The following LRRTM4 variants were observed in gnomAD, a reference collection of about 807,000 sequenced individuals.
LRRTM4 encodes the protein leucine-rich repeat transmembrane neuronal protein 4.
Under a neutral mutation model 47.6 loss-of-function variants are expected in LRRTM4, and 25 were observed. The observed-to-expected ratio is 0.53, with a 90% CI of 0.38 to 0.73. The LOEUF is 0.73. Ranked by LOEUF, LRRTM4 falls within the 30% of genes least tolerant of loss-of-function variation. The probability of loss-of-function intolerance (pLI) is 0.00; values close to 1 mark genes in which losing one functional copy is unlikely to be tolerated. For missense variants in LRRTM4, 638 were observed against 713.4 expected (o/e 0.89, Z 1.20); for synonymous variants, 311 against 269.5 (o/e 1.15, Z -1.51).
At chr2:76,795,286 ATT>A in intron 3 of LRRTM4, among the ~76,000 whole-genome samples, 1 of 152,196 alleles carries the variant, frequency 6.6e-6, no homozygotes, top group East Asian at 1.9e-4. Flanking sequence ...TCATATACTT[ATT>A]GTGTACAATA....
At chr2:77,224,603 A>T (rs534973175) in intron 3 of LRRTM4, among the ~76,000 whole-genome samples, 2 of 152,272 alleles carry the variant, frequency 1.3e-5, no homozygotes, top group Non-Finnish European at 2.9e-5. Context: ...CAAAAAACAC[A>T]TAAAAAAATG....
rs186977390 is a variant in LRRTM4, at chr2:76,966,713, C to T, written c.1552-217797G>A. Among the ~76,000 whole-genome samples, 94 of 151,562 alleles carry T rather than the reference C, an allele frequency of 6.2e-4. 1 individual carries two copies. In the East Asian group the frequency reaches 8.0e-3, roughly 13 times the overall value. On this transcript the variant is annotated intron_variant, in intron 3 of 3. Transcript: ENST00000409884. ...TTGGCTGTCCCAAAAATACTAGTGT[C>T]ATGCTTTTAATGACAATCTAATTAC...
chr2:77,486,938 C>A (rs532280126), intron 3 of LRRTM4, among the ~76,000 whole-genome samples: 38 of 152,162 alleles, frequency 2.5e-4, no homozygotes, highest in Non-Finnish European at 4.3e-4. Flanking sequence ...CAGAAAAAAA[C>A]GCAAAATTCA....
chr2:76,993,066 T>C (rs913952512), intron 3 of LRRTM4, among the ~76,000 whole-genome samples: 17 of 151,738 alleles, frequency 1.1e-4, no homozygotes, highest in African/African-American at 4.1e-4. Flanking sequence ...ACCTGGCTAA[T>C]CTGTCTGAAA....
intron 3 of LRRTM4, among the ~76,000 whole-genome samples, chr2:76,923,282 A>G (rs1674490131): frequency 6.6e-6 from 1 of 152,038 alleles, no homozygotes; most frequent in Non-Finnish European, 1.5e-5. Context: ...TGCAACCAGT[A>G]GTATGCTGGA....
At chr2:77,004,342 T>A (rs1677552801) in intron 3 of LRRTM4, among the ~76,000 whole-genome samples, 1 of 152,194 alleles carries the variant, frequency 6.6e-6, no homozygotes, top group Non-Finnish European at 1.5e-5. Context: ...GCATCCCAAC[T>A]GCTCTAGTCA....
At chr2:77,146,395 T>C (rs1300204832) in intron 3 of LRRTM4, among the ~76,000 whole-genome samples, 3 of 152,270 alleles carry the variant, frequency 2.0e-5, no homozygotes, top group Non-Finnish European at 1.5e-5. Flanking sequence ...TTTAGTTCTA[T>C]GGAGAACAGA....
At chr2:77,112,251 T>C (rs1572973585) in intron 3 of LRRTM4, among the ~76,000 whole-genome samples, 1 of 152,210 alleles carries the variant, frequency 6.6e-6, no homozygotes, top group Non-Finnish European at 1.5e-5. Flanking sequence ...TGACTACCAC[T>C]GTTTACTTCT....
intron 3 of LRRTM4, among the ~76,000 whole-genome samples, chr2:77,316,126 G>C (rs142455169): frequency 1.4e-4 from 22 of 152,092 alleles, no homozygotes; most frequent in Non-Finnish European, 2.5e-4. Flanking sequence ...AGGCAAAATG[G>C]TTCTAGATTC....
At chr2:77,360,411 C>A (rs555464621) in intron 3 of LRRTM4, among the ~76,000 whole-genome samples, 2 of 152,004 alleles carry the variant, frequency 1.3e-5, no homozygotes, top group South Asian at 4.2e-4. Context: ...GAGCCAAGAT[C>A]ACGGCCACTG....
intron 3 of LRRTM4, among the ~76,000 whole-genome samples, chr2:76,840,128 A>T (rs2103928514): frequency 6.6e-6 from 1 of 152,302 alleles, no homozygotes; most frequent in Admixed American, 6.6e-5. Context: ...TGGAAAAATG[A>T]ATTTTCTTGT....
chr2:76,773,004 A>G (rs919830229), intron 3 of LRRTM4: 2 of 152,172 alleles, frequency 1.3e-5, no homozygotes, highest in African/African-American at 4.8e-5. Flanking sequence ...GGAGTCTGGT[A>G]CTATCTATGG....
intron 3 of LRRTM4, among the ~76,000 whole-genome samples, chr2:77,256,642 C>T (rs1675776456): frequency 6.6e-6 from 1 of 152,172 alleles, no homozygotes; most frequent in Admixed American, 6.6e-5. Flanking sequence ...TTCTCCTTGC[C>T]TTCCGCCATG....
intron 3 of LRRTM4, among the ~76,000 whole-genome samples, chr2:76,853,644 G>A (rs556701143): frequency 1.5e-4 from 22 of 151,140 alleles, no homozygotes; most frequent in South Asian, 1.1e-3. Context: ...AAAAAAAAAT[G>A]TACCAATTTC....
At chr2:77,506,601 A>T (rs146600077) in intron 3 of LRRTM4, among the ~76,000 whole-genome samples, 57 of 152,028 alleles carry the variant, frequency 3.7e-4, no homozygotes, top group African/African-American at 1.2e-3. Context: ...GTATATGTGG[A>T]AAAATGGGAA....
chr2:76,912,122 T>C (rs1415190153), intron 3 of LRRTM4, among the ~76,000 whole-genome samples: 2 of 152,078 alleles, frequency 1.3e-5, no homozygotes, highest in African/African-American at 4.8e-5. Flanking sequence ...GGTTTCACCA[T>C]GTTATCCAGG....
intron 3 of LRRTM4, among the ~76,000 whole-genome samples, chr2:77,325,832 AT>A (rs1274935357): frequency 1.3e-5 from 2 of 152,184 alleles, no homozygotes; most frequent in African/African-American, 4.8e-5. Flanking sequence ...ATTATGGATC[AT>A]TTTTAAACCA....
intron 3 of LRRTM4, among the ~76,000 whole-genome samples, chr2:76,814,794 TACACACACACATACAC>T (rs6146813): frequency 0.087 from 13,089 of 149,654 alleles, 966 homozygotes; most frequent in East Asian, 0.23. Context: ...GGCTTCAAGA[TACACACACACATACAC>T]ACACACACAC....
chr2:77,011,892 G>A (rs566901417), intron 3 of LRRTM4, among the ~76,000 whole-genome samples: 7 of 151,968 alleles, frequency 4.6e-5, no homozygotes, highest in African/African-American at 9.7e-5. Context: ...AACCATTCAC[G>A]TGGTTGAGAC....
Sources: allele counts gnomAD v4.1 joint callset (sites outside exome capture counted in the v4.1 genomes callset), GRCh38; gene constraint gnomAD v4.1.1; transcripts MANE v1.5; gene names NCBI Gene and HGNC (gene_info 2026-07-23, HGNC 2026-07-21).